Variants in FOXN3 observed in about 807,000 individuals in gnomAD.
FOXN3 encodes forkhead box N3.
Under a neutral mutation model 38.4 loss-of-function variants are expected in FOXN3, and 7 were observed. That is an observed-to-expected ratio of 0.18 (90% CI 0.10 to 0.34). The LOEUF is 0.34. Among genes scored for constraint, FOXN3 ranks in the 10% least tolerant of loss-of-function variants. The pLI is 1.00. For synonymous variants in FOXN3, 230 were observed against 242.2 expected (o/e 0.95, Z 0.47); for missense variants, 456 against 613.4 (o/e 0.74, Z 2.71).
chr14:89,538,572 G>T (rs935986776), intron 1 of FOXN3, among the ~76,000 whole-genome samples: 2 of 152,118 alleles, frequency 1.3e-5, no homozygotes, highest in Non-Finnish European at 2.9e-5. Context: ...AGGCTGGAAT[G>T]CAATGGCACG....
chr14:89,431,217 G>T (rs1892149139), intron 1 of FOXN3, among the ~76,000 whole-genome samples: 1 of 152,056 alleles, frequency 6.6e-6, no homozygotes, highest in Non-Finnish European at 1.5e-5. Context: ...GTTTCTTTGA[G>T]ACAGAGTCTC....
At chr14:89,336,035 T>G (rs1005489613) in intron 3 of FOXN3, among the ~76,000 whole-genome samples, 2 of 152,044 alleles carry the variant, frequency 1.3e-5, no homozygotes, top group Admixed American at 1.3e-4. Context: ...TTGACTCTCT[T>G]TTTTTCTTAT....
intron 4 of FOXN3, among the ~76,000 whole-genome samples, chr14:89,261,400 T>A (rs1885795767): frequency 6.6e-6 from 1 of 152,200 alleles, no homozygotes; most frequent in South Asian, 2.1e-4. Flanking sequence ...GGGCCCAGTA[T>A]GATGAGAAGG....
At chr14:89,305,419 A>T (rs1887342607) in intron 3 of FOXN3, among the ~76,000 whole-genome samples, 1 of 152,222 alleles carries the variant, frequency 6.6e-6, no homozygotes, top group African/African-American at 2.4e-5. Flanking sequence ...CCAAGTACGA[A>T]GTGAGCAGGT....
intron 2 of FOXN3, among the ~76,000 whole-genome samples, chr14:89,356,174 GATCAC>G (rs1333108195): frequency 6.6e-6 from 1 of 152,074 alleles, no homozygotes; most frequent in East Asian, 1.9e-4. Context: ...GAGGTGGACA[GATCAC>G]CTGAGGTCAG....
intron 3 of FOXN3, among the ~76,000 whole-genome samples, chr14:89,338,691 G>C (rs934398937): frequency 7.9e-5 from 12 of 152,224 alleles, no homozygotes; most frequent in Admixed American, 2.0e-4. Flanking sequence ...CTACTCGGAG[G>C]CTGAGGGAGA....
At chr14:89,340,898 G>T (rs951910719) in intron 3 of FOXN3, among the ~76,000 whole-genome samples, 2 of 152,122 alleles carry the variant, frequency 1.3e-5, no homozygotes, top group Non-Finnish European at 2.9e-5. Flanking sequence ...TCCCATCACG[G>T]TCTTGAAATC....
At chr14:89,245,080 G>A (rs570164335) in intron 4 of FOXN3, among the ~76,000 whole-genome samples, 47 of 152,338 alleles carry the variant, frequency 3.1e-4, no homozygotes, top group South Asian at 1.0e-3. Flanking sequence ...GAATTTTATA[G>A]ATGAGAAAGT....
At chr14:89,323,865 C>G (rs1439656369) in intron 3 of FOXN3, among the ~76,000 whole-genome samples, 1 of 152,056 alleles carries the variant, frequency 6.6e-6, no homozygotes, top group African/African-American at 2.4e-5. Context: ...AGTGTAGATA[C>G]TGGAACCATG....
chr14:89,487,299 A>G (rs1893467266), intron 1 of FOXN3, among the ~76,000 whole-genome samples: 1 of 152,248 alleles, frequency 6.6e-6, no homozygotes, highest in Non-Finnish European at 1.5e-5. Context: ...AGGATAACAA[A>G]TCAACGAACT....
At chr14:89,405,109 T>C (rs1299236794) in intron 2 of FOXN3, among the ~76,000 whole-genome samples, 1 of 152,150 alleles carries the variant, frequency 6.6e-6, no homozygotes, top group Non-Finnish European at 1.5e-5. Flanking sequence ...TGCTGACACA[T>C]AGAGGTGCAA....
chr14:89,383,029 GTTTTTTTTTTT>G (rs57032907), intron 2 of FOXN3, among the ~76,000 whole-genome samples: 8 of 92,518 alleles, frequency 8.6e-5, no homozygotes, highest in African/African-American at 2.1e-4. Flanking sequence ...TTTGGGTGGT[GTTTTTTTTTTT>G]TTTTTTTTTT....
chr14:89,531,832 CAG>C (rs1894577527), intron 1 of FOXN3, among the ~76,000 whole-genome samples: 1 of 151,188 alleles, frequency 6.6e-6, no homozygotes, highest in Admixed American at 6.6e-5. Context: ...TGTTTTGAGA[CAG>C]AGTCTCACCC....
chr14:89,322,246 C>T (rs1327689228), intron 3 of FOXN3, among the ~76,000 whole-genome samples: 2 of 152,158 alleles, frequency 1.3e-5, no homozygotes, highest in African/African-American at 2.4e-5. Flanking sequence ...AGTAAGATCT[C>T]GTAGTGCCAA....
intron 1 of FOXN3, among the ~76,000 whole-genome samples, chr14:89,528,692 G>A (rs377443): frequency 0.25 from 37,744 of 151,716 alleles, 5,255 homozygotes; most frequent in East Asian, 0.56. Flanking sequence ...CACCACACTC[G>A]GGCTGATTAA....
intron 2 of FOXN3, among the ~76,000 whole-genome samples, chr14:89,354,850 G>A (rs1029547511): frequency 3.3e-5 from 5 of 150,112 alleles, no homozygotes; most frequent in South Asian, 2.1e-4. Context: ...GTGAGACTCC[G>A]TCTCAAAAAA....
At chr14:89,405,205 T>TCA (rs1323170845) in intron 2 of FOXN3, among the ~76,000 whole-genome samples, 1 of 152,094 alleles carries the variant, frequency 6.6e-6, no homozygotes, top group Non-Finnish European at 1.5e-5. Flanking sequence ...GGCGTGATCT[T>TCA]CACTCACCGC....
intron 4 of FOXN3, among the ~76,000 whole-genome samples, chr14:89,274,523 T>C (rs192308890): frequency 2.0e-5 from 3 of 152,268 alleles, no homozygotes; most frequent in Non-Finnish European, 2.9e-5. Flanking sequence ...TCAGGTTTGA[T>C]TGTAAAACGG....
intron 3 of FOXN3, among the ~76,000 whole-genome samples, chr14:89,322,387 G>A (rs1566955926): frequency 6.6e-6 from 1 of 152,158 alleles, no homozygotes; most frequent in Admixed American, 6.5e-5. Context: ...TAAAGTTGGG[G>A]GCATGAAGGG....
Sources: gnomAD v4.1 joint callset for allele counts (sites outside exome capture counted in the v4.1 genomes callset) on GRCh38, gnomAD v4.1.1 for gene constraint, MANE v1.5 for transcripts, NCBI Gene and HGNC (gene_info 2026-07-23, HGNC 2026-07-21) for gene names.